Variants in AFF3 observed in about 807,000 individuals in gnomAD.
The protein encoded by AFF3 is ALF transcription elongation factor 3.
A neutral mutation model predicts 129.7 loss-of-function variants in AFF3; 32 were observed. The observed-to-expected ratio is 0.25, with a 90% CI of 0.19 to 0.33. The LOEUF is 0.33. AFF3 is among the 10% of genes least tolerant of loss of function. The pLI is 1.00. For synonymous variants in AFF3, 644 were observed against 635.4 expected (o/e 1.01, Z -0.20); for missense variants, 1,373 against 1,592.0 (o/e 0.86, Z 2.34).
chr2:99,975,754 C>CTT lies in AFF3; in HGVS notation c.873+30876_873+30877dup, dbSNP rs35224838. ...TCTCACTCATTACCTTTTCCCTCCA[C>CTT]TTTTTTTTTTTTTTTTTTTTGCCAA... On this transcript the variant is annotated intron_variant, in intron 7 of 24. Transcript: ENST00000672756. Among the ~76,000 whole-genome samples the CTT allele has an allele frequency of 6.2e-3, 643 of 103,862 alleles. 13 individuals are homozygous for CTT. Among genetic ancestry groups the CTT allele is most frequent in the African/African-American group, 0.024 (602 of 25,546 alleles). The allele number at this position is 103,862 out of a possible 152,430, so 68.1% of individuals were successfully genotyped here.
chr2:100,137,627 C>T (rs73966422), intron 1 of AFF3, among the ~76,000 whole-genome samples: 1 of 152,092 alleles, frequency 6.6e-6, no homozygotes, highest in Non-Finnish European at 1.5e-5. Context: ...GCCTGTACAG[C>T]CTAGACTCAG....
intron 12 of AFF3, among the ~76,000 whole-genome samples, chr2:99,667,962 C>T (rs1035554951): frequency 4.6e-5 from 7 of 151,890 alleles, no homozygotes; most frequent in African/African-American, 1.7e-4. Flanking sequence ...CGAGACCATC[C>T]TGGCTAACAC....
chr2:100,038,012 A>T (rs1422927489), intron 4 of AFF3, among the ~76,000 whole-genome samples: 1 of 151,418 alleles, frequency 6.6e-6, no homozygotes, highest in Non-Finnish European at 1.5e-5. Context: ...ACGATGGGTA[A>T]AAGAAAACTT....
At chr2:99,982,539 T>C (rs1679503921) in intron 7 of AFF3, among the ~76,000 whole-genome samples, 1 of 152,102 alleles carries the variant, frequency 6.6e-6, no homozygotes, top group Non-Finnish European at 1.5e-5. Context: ...CAAAAGAACA[T>C]AAACATAACA....
Position 99,601,371 on chromosome 2 carries a change from G to A in AFF3, c.1371+64C>T, listed in dbSNP as rs149341882. 1,198 of 1,459,110 alleles carry A rather than the reference G, an allele frequency of 8.2e-4. 7 individuals carry two copies. The African/African-American group carries it at 0.013, about 16-fold the overall frequency. The allele number at this position is 1,459,110 out of a possible 1,614,324, so 90.4% of individuals were successfully genotyped here. A position where few individuals can be genotyped will look rare whatever the true frequency, so the allele number is the denominator to read the frequency against. Reference sequence around the variant, plus strand: ...CAGCAGTGTGACAGTGACAATGCCCGGACTTGCTATCCTCATAGAGACAGA... The same window carrying A: ...CAGCAGTGTGACAGTGACAATGCCCAGACTTGCTATCCTCATAGAGACAGA... On this transcript the variant is annotated intron_variant, in intron 14 of 24. Coordinates refer to ENST00000672756, the MANE Select transcript of AFF3 (RefSeq NM_001386135.1).
intron 7 of AFF3, among the ~76,000 whole-genome samples, chr2:99,947,489 A>G (rs1675681758): frequency 6.6e-6 from 1 of 151,090 alleles, no homozygotes; most frequent in Admixed American, 6.6e-5. Flanking sequence ...GACAGACAGA[A>G]AAAGAAAAAG....
At chr2:99,885,753 T>A (rs1693066279) in intron 7 of AFF3, among the ~76,000 whole-genome samples, 3 of 152,154 alleles carry the variant, frequency 2.0e-5, no homozygotes, top group African/African-American at 7.2e-5. Flanking sequence ...ATTCACTCCA[T>A]CATACTCTTG....
chr2:99,595,175 CA>C (rs201134158), intron 14 of AFF3, among the ~76,000 whole-genome samples: 3 of 149,380 alleles, frequency 2.0e-5, no homozygotes, highest in African/African-American at 4.9e-5. Flanking sequence ...GTCTCAGAAG[CA>C]AAAAAAAATT....
chr2:99,982,287 G>A (rs1420504667), intron 7 of AFF3, among the ~76,000 whole-genome samples: 1 of 152,152 alleles, frequency 6.6e-6, no homozygotes, highest in Non-Finnish European at 1.5e-5. Flanking sequence ...GATAGTGCAT[G>A]GGTCTCACGA....
chr2:99,775,865 C>T (rs576830611), intron 8 of AFF3, among the ~76,000 whole-genome samples: 10 of 152,144 alleles, frequency 6.6e-5, no homozygotes, highest in Admixed American at 3.9e-4. Flanking sequence ...AAAAATACCC[C>T]GAAACATGAA....
chr2:99,851,203 A>C (rs1247242612), intron 7 of AFF3, among the ~76,000 whole-genome samples: 1 of 152,254 alleles, frequency 6.6e-6, no homozygotes, highest in Non-Finnish European at 1.5e-5. Context: ...TGCCTTAGAA[A>C]ATACATCATA....
At chr2:99,611,424 T>C (rs1419982071) in intron 13 of AFF3, among the ~76,000 whole-genome samples, 1 of 152,172 alleles carries the variant, frequency 6.6e-6, no homozygotes, top group Non-Finnish European at 1.5e-5. Flanking sequence ...TTAAAAATTA[T>C]TGCTTGTTTT....
chr2:100,102,751 A>C (rs1353998977), intron 4 of AFF3, among the ~76,000 whole-genome samples: 1 of 116,092 alleles, frequency 8.6e-6, no homozygotes, highest in African/African-American at 3.4e-5. Flanking sequence ...CTTCCCTTTG[A>C]CTGAAAAACT....
rs74718758 is a variant in AFF3, at chr2:99,615,218, G to A, written c.1185-13597C>T. Among the ~76,000 whole-genome samples, 34 of 152,308 alleles carry A rather than the reference G, an allele frequency of 2.2e-4. 1 individual carries two copies. Among genetic ancestry groups the A allele is most frequent in the African/African-American group, 8.2e-4 (34 of 41,572 alleles). On this transcript the variant is annotated intron_variant, in intron 13 of 24. Coordinates refer to ENST00000672756, the MANE Select transcript of AFF3 (RefSeq NM_001386135.1). ...TATGTACGAACATGAATTAGGCTGG[G>A]AGTCCAGATGGTAGAGGGCCCTGGA...
chr2:99,667,235 T>C (rs1338408772), intron 12 of AFF3, among the ~76,000 whole-genome samples: 1 of 152,136 alleles, frequency 6.6e-6, no homozygotes, highest in African/African-American at 2.4e-5. Flanking sequence ...AAAGTTAAGA[T>C]TAAGGGCGAT....
chr2:100,105,759 A>T, intron 2 of AFF3, 176 bp from the exon 3 acceptor site: 7 of 1,361,492 alleles, frequency 5.1e-6, no homozygotes, highest in Non-Finnish European at 6.8e-6. Flanking sequence ...AGCCCCTCCA[A>T]GGCCCCCTGA....
intron 9 of AFF3, among the ~76,000 whole-genome samples, chr2:99,748,542 C>T (rs1681359531): frequency 6.6e-6 from 1 of 152,150 alleles, no homozygotes; most frequent in Non-Finnish European, 1.5e-5. Context: ...GTATCCTGTT[C>T]TGATCCCCTC....
intron 7 of AFF3, among the ~76,000 whole-genome samples, chr2:100,000,512 G>GCACACA (rs67954752): frequency 1.9e-4 from 28 of 148,866 alleles, no homozygotes; most frequent in Admixed American, 1.7e-3. Context: ...TAGCACGCGC[G>GCACACA]CACACACACA....
At chr2:99,682,109 G>A (rs1233032945) in intron 11 of AFF3, among the ~76,000 whole-genome samples, 1 of 151,930 alleles carries the variant, frequency 6.6e-6, no homozygotes, top group Non-Finnish European at 1.5e-5. Flanking sequence ...GTTTTGCCAT[G>A]TTGACCAGGC....
Sources: gnomAD v4.1 joint callset for allele counts (sites outside exome capture counted in the v4.1 genomes callset) on GRCh38, gnomAD v4.1.1 for gene constraint, MANE v1.5 for transcripts, NCBI Gene and HGNC (gene_info 2026-07-23, HGNC 2026-07-21) for gene names.